The following PXDNL variants were observed in gnomAD, a reference collection of about 807,000 sequenced individuals.
PXDNL encodes the protein peroxidasin like.
Under a neutral mutation model 150.8 loss-of-function variants are expected in PXDNL, and 145 were observed. The observed-to-expected ratio is 0.96, with a 90% CI of 0.84 to 1.10. PXDNL has a LOEUF of 1.10. Among genes scored for constraint, PXDNL ranks in the 50% least tolerant of loss-of-function variants. The pLI, the probability that PXDNL is intolerant of heterozygous loss-of-function variation, is 0.00. For synonymous variants in PXDNL, 757 were observed against 725.7 expected, an observed-to-expected ratio of 1.04 and a Z score of -0.69; for missense variants, 2,087 against 1,873.9, an observed-to-expected ratio of 1.11 and a Z score of -2.10.
intron 1 of PXDNL, among the ~76,000 whole-genome samples, chr8:51,808,130 G>A (rs10504127): frequency 0.14 from 21,067 of 151,972 alleles, 2,647 homozygotes; most frequent in African/African-American, 0.32. Context: ...CTCATTTCAC[G>A]ATTATGACTG....
intron 6 of PXDNL, among the ~76,000 whole-genome samples, chr8:51,481,222 G>A (rs1810597202): frequency 6.6e-6 from 1 of 152,162 alleles, no homozygotes; most frequent in South Asian, 2.1e-4. Flanking sequence ...TCAGACTGAG[G>A]GAGTCTCAGA....
chr8:51,322,075 C>T (rs1159654043), intron 21 of PXDNL, among the ~76,000 whole-genome samples: 1 of 152,132 alleles, frequency 6.6e-6, no homozygotes, highest in Non-Finnish European at 1.5e-5. Flanking sequence ...TGTGAGGACA[C>T]AGGGAGAAGG....
chr8:51,427,631 A>G (rs184443802), intron 12 of PXDNL, among the ~76,000 whole-genome samples: 11 of 152,332 alleles, frequency 7.2e-5, no homozygotes, highest in Admixed American at 7.2e-4. Flanking sequence ...ATTAATGGCT[A>G]AAGAAGAAAA....
intron 17 of PXDNL, among the ~76,000 whole-genome samples, chr8:51,397,593 G>A (rs1375922001): frequency 1.3e-5 from 2 of 152,082 alleles, no homozygotes; most frequent in East Asian, 3.9e-4. Flanking sequence ...GCAATGTACT[G>A]TAAGTATTTT....
chr8:51,342,843 C>T (rs960560122), intron 20 of PXDNL, among the ~76,000 whole-genome samples: 1 of 140,350 alleles, frequency 7.1e-6, no homozygotes, highest in East Asian at 2.1e-4. Flanking sequence ...GTATATAGAG[C>T]TGTTAAACTG....
At chr8:51,653,923 T>A (rs1815094368) in intron 2 of PXDNL, among the ~76,000 whole-genome samples, 1 of 152,232 alleles carries the variant, frequency 6.6e-6, no homozygotes, top group Non-Finnish European at 1.5e-5. Context: ...ATTTTATATA[T>A]TGAACCTCCA....
At chr8:51,375,154 G>A (rs556394004) in intron 17 of PXDNL, among the ~76,000 whole-genome samples, 29 of 152,254 alleles carry the variant, frequency 1.9e-4, no homozygotes, top group Non-Finnish European at 1.3e-4. Context: ...TATATGCTAG[G>A]TATGCTAAAA....
At chr8:51,538,239 CAA>C (rs1812129797) in intron 4 of PXDNL, among the ~76,000 whole-genome samples, 1 of 152,140 alleles carries the variant, frequency 6.6e-6, no homozygotes, top group East Asian at 1.9e-4. Flanking sequence ...TTGATTTTTC[CAA>C]ACAATTTAGA....
At chr8:51,321,144 G>C (rs1192861684) in intron 21 of PXDNL, 3 of 350,570 alleles carry the variant, frequency 8.6e-6, no homozygotes, top group Non-Finnish European at 1.5e-5. Flanking sequence ...GAGTATGAAA[G>C]AGTTAATTTC....
intron 4 of PXDNL, among the ~76,000 whole-genome samples, chr8:51,520,910 C>T (rs1207959866): frequency 1.3e-5 from 2 of 152,174 alleles, no homozygotes; most frequent in African/African-American, 4.8e-5. Flanking sequence ...TGACATTTAT[C>T]ATACAGGGAA....
At chr8:51,375,290 A>T (rs753024892) in intron 17 of PXDNL, among the ~76,000 whole-genome samples, 1 of 152,230 alleles carries the variant, frequency 6.6e-6, no homozygotes, top group Non-Finnish European at 1.5e-5. Flanking sequence ...CAACAAACAA[A>T]CAAAAAAGCA....
At chr8:51,799,285 G>A (rs2037594260) in intron 1 of PXDNL, among the ~76,000 whole-genome samples, 1 of 152,148 alleles carries the variant, frequency 6.6e-6, no homozygotes, top group Non-Finnish European at 1.5e-5. Flanking sequence ...AATGCACGTG[G>A]AGTTTAATAC....
At chr8:51,791,409 C>T (rs2037512139) in intron 1 of PXDNL, among the ~76,000 whole-genome samples, 1 of 152,204 alleles carries the variant, frequency 6.6e-6, no homozygotes, top group African/African-American at 2.4e-5. Context: ...AGGTGACCTG[C>T]AATCATTCAG....
At chr8:51,401,970 C>T (rs1268230397) in intron 17 of PXDNL, among the ~76,000 whole-genome samples, 1 of 152,068 alleles carries the variant, frequency 6.6e-6, no homozygotes, top group East Asian at 1.9e-4. Context: ...AGAGGAATGA[C>T]AGCTGAACAT....
intron 1 of PXDNL, among the ~76,000 whole-genome samples, chr8:51,673,906 A>G (rs942656851): frequency 1.3e-5 from 2 of 152,232 alleles, no homozygotes; most frequent in African/African-American, 2.4e-5. Flanking sequence ...CCACCAGGTC[A>G]CAGATGCCAA....
At chr8:51,608,038 AAAGAAAGAAAGAAAGAAAGC>A (rs1563481706) in intron 2 of PXDNL, among the ~76,000 whole-genome samples, 9 of 112,570 alleles carry the variant, frequency 8.0e-5, no homozygotes, top group African/African-American at 2.2e-4. Context: ...AGAAAGAAAG[AAAGAAAGAAAGAAAGAAAGC>A]AAGCAAGCAA....
intron 1 of PXDNL, among the ~76,000 whole-genome samples, chr8:51,712,845 A>G (rs1816528331): frequency 1.3e-5 from 2 of 152,190 alleles, no homozygotes; most frequent in Non-Finnish European, 2.9e-5. Context: ...CTTATGATTA[A>G]TGGGTAAGAA....
At chr8:51,344,071 C>T (rs1040830509) in intron 20 of PXDNL, among the ~76,000 whole-genome samples, 1 of 152,040 alleles carries the variant, frequency 6.6e-6, no homozygotes, top group Non-Finnish European at 1.5e-5. Context: ...TTGAACACAC[C>T]AACTCATTCA....
At chr8:51,623,331 C>G (rs1190145585) in intron 2 of PXDNL, among the ~76,000 whole-genome samples, 2 of 152,282 alleles carry the variant, frequency 1.3e-5, no homozygotes, top group East Asian at 3.9e-4. Context: ...CTCAGTTTCT[C>G]CAGTGGGTAA....
Sources: allele counts gnomAD v4.1 joint callset (sites outside exome capture counted in the v4.1 genomes callset), GRCh38; gene constraint gnomAD v4.1.1; transcripts MANE v1.5; gene names NCBI Gene and HGNC (gene_info 2026-07-23, HGNC 2026-07-21).